The following LY75 variants were observed in gnomAD, a reference collection of about 807,000 sequenced individuals.
The protein encoded by LY75 is C-type lectin domain family 13 member B.
In LY75, 185 loss-of-function variants were observed where a neutral mutation model predicts 231.7. That is an observed-to-expected ratio of 0.80 (90% confidence interval 0.71 to 0.90). The LOEUF (loss-of-function observed/expected upper bound fraction) is 0.90. Among genes scored for constraint, LY75 ranks in the 40% least tolerant of loss-of-function variants. The pLI is 0.00. For synonymous variants in LY75, 668 were observed against 689.0 expected (o/e 0.97, Z 0.48); for missense variants, 1,947 against 2,050.2 (o/e 0.95, Z 0.97).
At chr2:159,850,799 T>TATATATATATATATATA (rs1491206351) in intron 21 of LY75, among the ~76,000 whole-genome samples, 1 of 105,366 alleles carries the variant, frequency 9.5e-6, no homozygotes, top group African/African-American at 3.9e-5. Context: ...TATATATATA[T>TATATATATATATATATA]TATATCTTAT....
chr2:159,867,075 G>T (rs1684879061), intron 13 of LY75, among the ~76,000 whole-genome samples: 1 of 152,084 alleles, frequency 6.6e-6, no homozygotes, highest in African/African-American at 2.4e-5. Context: ...CTACAGAAAA[G>T]AGTTTGCTCG....
At chr2:159,860,921 G>A in intron 14 of LY75, 32 bp from the exon 15 acceptor site, 1 of 1,612,688 alleles carries the variant, frequency 6.2e-7, no homozygotes, top group Non-Finnish European at 8.5e-7. Context: ...GAGAATTTAA[G>A]ACTGATGTAT....
At chr2:159,851,458 C>T (rs895877262) in intron 21 of LY75, among the ~76,000 whole-genome samples, 7 of 152,076 alleles carry the variant, frequency 4.6e-5, no homozygotes, top group African/African-American at 1.7e-4. Context: ...AGAGAGAACA[C>T]CCTGAATTTA....
chr2:159,820,917 G>A lies in LY75; in HGVS notation c.3959-997C>T, dbSNP rs913151788. Among the ~76,000 whole-genome samples, 5 of 152,122 alleles carry A rather than the reference G, an allele frequency of 3.3e-5. No individual in the cohort carries two copies. The East Asian group carries it at 7.7e-4, about 23-fold the overall frequency. ...TGCAGTGGCACGATCTCAGCTCACT[G>A]CAACCTCCACCTCCTGGGTTCAAGC... On this transcript the variant is annotated intron_variant, in intron 28 of 34. Coordinates refer to ENST00000263636, the MANE Select transcript of LY75 (RefSeq NM_002349.4).
At chr2:159,854,688 C>T in intron 17 of LY75, 153 bp from the exon 18 acceptor site, 4 of 684,198 alleles carry the variant, frequency 5.8e-6, no homozygotes, top group Non-Finnish European at 7.2e-6. Context: ...CAAGAGATTC[C>T]TGAGCCAGTG....
In LY75 at chr2:159,898,749, A is replaced by G. The variant is rs781612224; in HGVS notation, c.405T>C (p.Asn135=). The G allele has an allele frequency of 4.3e-6, 7 of 1,614,134 alleles. No individual in the cohort carries two copies. The highest frequency in any genetic ancestry group is 2.2e-5 in the South Asian group (2 of 91,090). The change falls in exon 2 of 35, where the codon AAT becomes AAC. Residue 135 remains asparagine (N), a synonymous_variant. Transcript: ENST00000263636. ...CTCCTTTCTTCCAGACATCAGATGC[A>G]TTTGAGATTGCTGTGCCATGTCCAT... ...LKDGHGTAIS[N]ASDVWKKGGS...
intron 2 of LY75, among the ~76,000 whole-genome samples, chr2:159,898,328 T>C (rs1685959970): frequency 1.4e-5 from 2 of 147,884 alleles, no homozygotes; most frequent in Non-Finnish European, 3.0e-5. Flanking sequence ...ATTAGATCAT[T>C]TGACTTTTAG....
At chr2:159,886,922 T>C (rs1685603609) in intron 4 of LY75, among the ~76,000 whole-genome samples, 1 of 152,000 alleles carries the variant, frequency 6.6e-6, no homozygotes, top group African/African-American at 2.4e-5. Flanking sequence ...AGACTGACAA[T>C]TTAAATTCAT....
chr2:159,842,161 C>A, intron 24 of LY75, 84 bp downstream of exon 24: 1 of 1,476,950 alleles, frequency 6.8e-7, no homozygotes, highest in South Asian at 1.3e-5. Context: ...CCCCTCCCTC[C>A]CTATAGAAAG....
chr2:159,872,489 T>G lies in LY75; in HGVS notation c.2079A>C (p.Glu693Asp). Residue 693 changes from glutamate to aspartate, a missense_variant, in exon 13 of 35, where the codon GAA becomes GAC. Physicochemically the swap from Glu to Asp is conservative, Grantham distance 45. Coordinates refer to ENST00000263636, the MANE Select transcript of LY75 (RefSeq NM_002349.4). ...TTAAAAAGTGAAGAAATTCCTTTAT[T>G]TCATCCACATGGCTGAAGCTAGAAA... ...AHLSSFSHVD[E>D]IKEFLHFLTD... is the part of the protein sequence containing the mutation. The G allele has an allele frequency of 1.2e-6, 2 of 1,613,968 alleles. No homozygotes were observed. The highest frequency in any genetic ancestry group is 1.7e-6 in the Non-Finnish European group (2 of 1,179,900).
At chr2:159,805,722 C>T (rs138802327) in intron 34 of LY75, among the ~76,000 whole-genome samples, 27 of 152,312 alleles carry the variant, frequency 1.8e-4, no homozygotes, top group African/African-American at 5.3e-4. Context: ...CAGATGGATT[C>T]GCTCTGTTCC....
intron 4 of LY75, 25 bp from the exon 5 acceptor site, chr2:159,886,555 A>G: frequency 6.4e-7 from 1 of 1,568,102 alleles, no homozygotes; most frequent in South Asian, 1.2e-5. Context: ...AAATTTTTAA[A>G]AAGTGACAAA....
intron 28 of LY75, among the ~76,000 whole-genome samples, chr2:159,820,443 C>T (rs1023413100): frequency 8.5e-5 from 13 of 152,134 alleles, no homozygotes; most frequent in African/African-American, 2.7e-4. Context: ...GAATGGAAAA[C>T]CAAACATTGT....
At chr2:159,890,530 A>T (rs986774826) in intron 3 of LY75, 153 bp from the exon 4 acceptor site, 4 of 629,038 alleles carry the variant, frequency 6.4e-6, no homozygotes, top group African/African-American at 6.0e-5. Context: ...TTTTGATCAC[A>T]ATAAAATTGG....
intron 25 of LY75, among the ~76,000 whole-genome samples, chr2:159,839,117 A>G (rs1334261034): frequency 6.6e-6 from 1 of 152,026 alleles, no homozygotes; most frequent in African/African-American, 2.4e-5. Context: ...ACTTTAGAAT[A>G]CCCTGTGGCT....
In LY75 at chr2:159,817,010, A is replaced by G; in HGVS notation, c.4176T>C (p.Asn1392=). The change falls in exon 30 of 35, where the codon AAT becomes AAC. Residue 1392 remains asparagine (N), a synonymous_variant. Coordinates refer to ENST00000263636, the MANE Select transcript of LY75 (RefSeq NM_002349.4). ...ATGGCATAAACTGTGGCAGTGTAGTATTATATTCTTCTTTGTAGTCAACTA... is the reference window on the plus strand; with the variant it reads ...ATGGCATAAACTGTGGCAGTGTAGTGTTATATTCTTCTTTGTAGTCAACTA... ...IEMVDYKEEY[N]TTLPQFMPYE... is the part of the protein sequence containing the mutation. 3 of 1,612,284 alleles carry G rather than the reference A, an allele frequency of 1.9e-6. No homozygotes were observed. The highest frequency in any genetic ancestry group is 2.5e-6 in the Non-Finnish European group (3 of 1,179,192).
At chr2:159,805,684 G>A (rs745709340) in intron 34 of LY75, among the ~76,000 whole-genome samples, 1 of 152,222 alleles carries the variant, frequency 6.6e-6, no homozygotes, top group Non-Finnish European at 1.5e-5. Flanking sequence ...TGCAGCTGCT[G>A]TTCCAAGACC....
rs1451188318 is a variant in LY75 at position 159,840,708 on chromosome 2, C to A, written c.3507+21G>T. ...GTCGCTTTCCATCACCCAGTCCTGG[C>A]AGTTGGGACTGAACACTTACATCTT... On this transcript the variant is annotated intron_variant, in intron 25 of 34. Transcript: ENST00000263636. The A allele has an allele frequency of 5.0e-6, 8 of 1,613,908 alleles. No individual in the cohort carries two copies. The South Asian group carries it at 8.8e-5, about 18-fold the overall frequency.
intron 1 of LY75, among the ~76,000 whole-genome samples, chr2:159,904,063 T>C (rs1373267675): frequency 6.6e-6 from 1 of 152,224 alleles, no homozygotes; most frequent in Non-Finnish European, 1.5e-5. Context: ...TCGGAGGAGA[T>C]GGTTTATTTA....
Sources: allele counts gnomAD v4.1 joint callset (sites outside exome capture counted in the v4.1 genomes callset), GRCh38; gene constraint gnomAD v4.1.1; transcripts MANE v1.5; gene names NCBI Gene and HGNC (gene_info 2026-07-23, HGNC 2026-07-21).